The following KDM3A variants were observed in gnomAD, a reference collection of about 807,000 sequenced individuals.
The protein encoded by KDM3A is lysine demethylase 3A.
Under a neutral mutation model 158.0 loss-of-function variants are expected in KDM3A, and 60 were observed. That is an observed-to-expected ratio of 0.38 (90% confidence interval 0.31 to 0.47). The LOEUF (loss-of-function observed/expected upper bound fraction) is 0.47. KDM3A is among the 20% of genes least tolerant of loss of function. The pLI is 0.99. For synonymous variants in KDM3A, 608 were observed against 549.3 expected (o/e 1.11, Z -1.49); for missense variants, 1,319 against 1,574.3 (o/e 0.84, Z 2.74).
At chr2:86,446,070 A>G (rs576475415) in intron 2 of KDM3A, among the ~76,000 whole-genome samples, 2 of 152,336 alleles carry the variant, frequency 1.3e-5, no homozygotes, top group South Asian at 4.1e-4. Flanking sequence ...AGATTTTGAT[A>G]TTAGTTTATT....
intron 4 of KDM3A, among the ~76,000 whole-genome samples, chr2:86,451,886 T>G (rs184894624): frequency 2.0e-5 from 3 of 152,246 alleles, no homozygotes; most frequent in Non-Finnish European, 4.4e-5. Flanking sequence ...AGTAGACCGT[T>G]GTTTATATAC....
Position 86,456,431 on chromosome 2 carries a change from T to TG in KDM3A, c.557-11_557-10insG. ...TTGCTCTAAGATTTTTTTTTTTTTT[T>TG]TTTTTTTAAGGTGACAAAAACTTAG... On this transcript the variant is annotated splice_polypyrimidine_tract_variant and intron_variant, in intron 5 of 25. Coordinates refer to ENST00000312912, the MANE Select transcript of KDM3A (RefSeq NM_018433.6). 7.0e-7 allele frequency: 1 copy of TG among 1,428,364 alleles called. No homozygotes were observed. Among genetic ancestry groups the TG allele is most frequent in the Non-Finnish European group, 9.3e-7 (1 of 1,077,022 alleles). 88.5% of individuals were successfully genotyped at this position (1,428,364 alleles called of 1,614,324 possible).
At chr2:86,457,792 CAAGGAAAGTG>C in intron 8 of KDM3A, among the ~76,000 whole-genome samples, 1 of 152,206 alleles carries the variant, frequency 6.6e-6, no homozygotes, top group Admixed American at 6.5e-5. Context: ...AAATGTATTT[CAAGGAAAGTG>C]ATTGGTTTGC....
chr2:86,458,750 G>GA (rs1319952229), intron 8 of KDM3A, among the ~76,000 whole-genome samples: 3 of 152,166 alleles, frequency 2.0e-5, no homozygotes, highest in African/African-American at 7.2e-5. Context: ...AGGAGGCATG[G>GA]AAAAAGAGAA....
At chr2:86,486,002 T>C in intron 21 of KDM3A, 143 bp downstream of exon 21, 1 of 857,336 alleles carries the variant, frequency 1.2e-6, no homozygotes, top group Non-Finnish European at 1.7e-6. Flanking sequence ...ACATATTTCC[T>C]TTCGTTCCCT....
At chr2:86,470,481 T>TA (rs2104673374) in intron 11 of KDM3A, 73 bp downstream of exon 11, 1 of 1,270,834 alleles carries the variant, frequency 7.9e-7, no homozygotes, top group Admixed American at 1.8e-5. Flanking sequence ...ATACTTTTGT[T>TA]ACTCTTTTAT....
rs200135960 is a variant in KDM3A at position 86,466,412 on chromosome 2, C to T, written c.1048C>T (p.Leu350=). The part of the protein sequence containing the change: ...QSLPEEISSC[L]NTKSEALRTK... ...TTTACCAGAGGAAATTTCTTCCTGT[C>T]TAAATACAAAGTCTGAAGCTCTGAG... The change falls in exon 10 of 26, where the codon CTA becomes TTA. Residue 350 remains leucine (L), a synonymous_variant. Coordinates refer to ENST00000312912, the MANE Select transcript of KDM3A (RefSeq NM_018433.6). The T allele has an allele frequency of 8.3e-5, 134 of 1,613,178 alleles. No individual in the cohort carries two copies. The highest frequency in any genetic ancestry group is 1.1e-4 in the Non-Finnish European group (125 of 1,179,574).
chr2:86,443,330 A>T (rs926502725), intron 2 of KDM3A: 1 of 152,226 alleles, frequency 6.6e-6, no homozygotes, highest in Non-Finnish European at 1.5e-5. Flanking sequence ...GTTCATTTGA[A>T]CACTTTCAGG....
chr2:86,466,937 A>G (rs946880257), intron 10 of KDM3A, 54 bp downstream of exon 10: 7 of 1,349,374 alleles, frequency 5.2e-6, no homozygotes, highest in African/African-American at 2.9e-5. Flanking sequence ...GTAGATATAT[A>G]TATCTCTTTC....
intron 5 of KDM3A, 92 bp from the exon 6 acceptor site, chr2:86,456,350 A>G: frequency 1.0e-6 from 1 of 963,250 alleles, no homozygotes; most frequent in East Asian, 3.0e-5. Flanking sequence ...GTTTTTTTAA[A>G]AAAGACTTAG....
rs1349225455 is a variant in KDM3A, at chr2:86,492,246, C to G, written c.*127C>G. The G allele has an allele frequency of 3.0e-6, 2 of 677,912 alleles. No homozygotes were observed. The highest frequency in any genetic ancestry group is 2.6e-6 in the Non-Finnish European group (1 of 379,566). 42.0% of individuals were successfully genotyped at this position (677,912 alleles called of 1,614,324 possible). ...ACTGTACCCAACTTGTGAGGGTACT[C>G]TGTCTAATGTATATTTCTAGTGTTT... is the stretch of plus-strand genomic sequence containing the variant. On this transcript the variant is annotated 3_prime_UTR_variant, in exon 26 of 26. Transcript: ENST00000312912.
chr2:86,463,415 T>TA (rs111372850), intron 8 of KDM3A, among the ~76,000 whole-genome samples: 122,040 of 151,474 alleles, frequency 0.81, 49,788 homozygotes, highest in East Asian at 0.95. Context: ...ATTCAATACT[T>TA]CCTTTTTTTG....
upstream of KDM3A, among the ~76,000 whole-genome samples, chr2:86,439,224 T>C (rs1682551203): frequency 6.6e-6 from 1 of 151,980 alleles, no homozygotes; most frequent in Non-Finnish European, 1.5e-5. Flanking sequence ...AGCCCTAAGG[T>C]GAATATACGA....
intron 4 of KDM3A, among the ~76,000 whole-genome samples, chr2:86,454,634 G>A (rs186717804): frequency 6.6e-6 from 1 of 152,204 alleles, no homozygotes; most frequent in Non-Finnish European, 1.5e-5. Flanking sequence ...AACCCAGACA[G>A]TAATTGCAAT....
intron 11 of KDM3A, among the ~76,000 whole-genome samples, chr2:86,473,651 A>G (rs986931746): frequency 2.0e-5 from 3 of 152,088 alleles, no homozygotes; most frequent in African/African-American, 7.2e-5. Context: ...TTGAGAGGCT[A>G]AGGTGGGAGG....
chr2:86,448,834 T>G (rs1164716613), intron 2 of KDM3A, among the ~76,000 whole-genome samples: 1 of 152,178 alleles, frequency 6.6e-6, no homozygotes, highest in African/African-American at 2.4e-5. Context: ...ACACTGAATA[T>G]CGAGGGAGTT....
At position 86,441,415 on chromosome 2, in the gene KDM3A, C is replaced by T. The variant is rs1162353883; in HGVS notation, c.-60C>T. Reference sequence around the variant, plus strand: ...CTAGGCGGCTGGAAACGGCGGCTGCCGCCGGTGACTCAGGGAGGCGGGAGG... The same window carrying T: ...CTAGGCGGCTGGAAACGGCGGCTGCTGCCGGTGACTCAGGGAGGCGGGAGG... On this transcript the variant is annotated 5_prime_UTR_variant, in exon 1 of 26. Transcript: ENST00000312912. The T allele has an allele frequency of 1.3e-5, 2 of 152,340 alleles. No homozygotes were observed. The highest frequency in any genetic ancestry group is 2.1e-4 in the South Asian group (1 of 4,834). The allele number at this position is 152,340 out of a possible 1,614,324, so 9.4% of individuals were successfully genotyped here.
rs758870482 is a variant in KDM3A at position 86,478,040 on chromosome 2, A to G, written c.2092+11A>G. On this transcript the variant is annotated intron_variant, in intron 13 of 25. Coordinates refer to ENST00000312912, the MANE Select transcript of KDM3A (RefSeq NM_018433.6). ...AGAATTGCCAACAGGGTGAGAACCG[A>G]TTTGATTCTCCTCCAGCCCCTCTAC... 2 of 1,614,036 alleles carry G rather than the reference A, an allele frequency of 1.2e-6. No individual in the cohort carries two copies. Among genetic ancestry groups the G allele is most frequent in the Admixed American group, 3.3e-5 (2 of 60,006 alleles).
intron 2 of KDM3A, among the ~76,000 whole-genome samples, chr2:86,448,339 G>A (rs1351877306): frequency 6.6e-6 from 1 of 152,124 alleles, no homozygotes; most frequent in African/African-American, 2.4e-5. Context: ...GCAGGTGAGA[G>A]AAACAAGATA....
Sources: gnomAD v4.1 joint callset for allele counts (sites outside exome capture counted in the v4.1 genomes callset) on GRCh38, gnomAD v4.1.1 for gene constraint, MANE v1.5 for transcripts, NCBI Gene and HGNC (gene_info 2026-07-23, HGNC 2026-07-21) for gene names.